PDLIM3: variants seen among roughly 807,000 people sequenced by gnomAD.
The protein encoded by PDLIM3 is PDZ and LIM domain 3.
Under a neutral mutation model 37.3 loss-of-function variants are expected in PDLIM3, and 36 were observed. The ratio of observed to expected loss-of-function variants is 0.97; its 90% confidence interval spans 0.74 to 1.28. The LOEUF (loss-of-function observed/expected upper bound fraction) is 1.28. Among genes scored for constraint, PDLIM3 ranks in the 50% most tolerant of loss-of-function variants. The pLI, the probability that PDLIM3 is intolerant of heterozygous loss-of-function variation, is 0.00. For missense variants in PDLIM3, 454 were observed against 485.0 expected, an observed-to-expected ratio of 0.94 and a Z score of 0.60; for synonymous variants, 174 against 182.4, an observed-to-expected ratio of 0.95 and a Z score of 0.37.
intron 1 of PDLIM3, among the ~76,000 whole-genome samples, chr4:185,534,539 C>T (rs1247481521): frequency 6.6e-6 from 1 of 152,072 alleles, no homozygotes; most frequent in Non-Finnish European, 1.5e-5. Flanking sequence ...AGGAGAGAAA[C>T]CCTGAGGTTT....
chr4:185,526,748 T>C (rs2095734882), intron 1 of PDLIM3, among the ~76,000 whole-genome samples: 1 of 152,174 alleles, frequency 6.6e-6, no homozygotes, highest in Non-Finnish European at 1.5e-5. Flanking sequence ...TCCTTTTAGT[T>C]CCTCATGTAG....
Position 185,514,620 on chromosome 4 carries a change from G to A in PDLIM3, c.331-283C>T. Reference sequence around the variant, plus strand: ...CCTTCAGGAAAGTAAAAATAAAACAGCAAGAGCTGGACTTTTGAAAAGAAA... The same window carrying A: ...CCTTCAGGAAAGTAAAAATAAAACAACAAGAGCTGGACTTTTGAAAAGAAA... On this transcript the variant is annotated intron_variant, in intron 3 of 7. Transcript: ENST00000284767. The surrounding 1 kb of genome is among the most constrained non-coding windows in gnomAD (Gnocchi z 4.0). The A allele has an allele frequency of 2.2e-6, 3 of 1,373,340 alleles. No individual in the cohort carries two copies. The highest frequency in any genetic ancestry group is 2.5e-5 in the East Asian group (1 of 39,912). 85.1% of individuals were successfully genotyped at this position (1,373,340 alleles called of 1,614,324 possible). A position where few individuals can be genotyped will look rare whatever the true frequency, so the allele number is the denominator to read the frequency against.
Position 185,514,478 on chromosome 4 carries a change from G to C in PDLIM3, c.331-141C>G. On this transcript the variant is annotated intron_variant, in intron 3 of 7. Transcript: ENST00000284767. The surrounding 1 kb of genome is among the most constrained non-coding windows in gnomAD (Gnocchi z 4.0). ...CTAAGAAAGGCGATGACGGGACCAGGACGATGTCTTCTTTCCAACCATCTA... is the reference window on the plus strand; with the variant it reads ...CTAAGAAAGGCGATGACGGGACCAGCACGATGTCTTCTTTCCAACCATCTA... 1 of 1,526,686 alleles carries C rather than the reference G, an allele frequency of 6.6e-7. No homozygotes were observed. Among genetic ancestry groups the C allele is most frequent in the African/African-American group, 1.4e-5 (1 of 73,174 alleles). 94.6% of individuals were successfully genotyped at this position (1,526,686 alleles called of 1,614,324 possible). A position where few individuals can be genotyped will look rare whatever the true frequency, so the allele number is the denominator to read the frequency against.
chr4:185,513,828 C>G, intron 4 of PDLIM3: 1 of 1,087,680 alleles, frequency 9.2e-7, no homozygotes, highest in Non-Finnish European at 1.1e-6. Context: ...ATCAGTTTCT[C>G]TACTGAGAGA....
chr4:185,524,246 G>A (rs2095728773), intron 2 of PDLIM3, among the ~76,000 whole-genome samples: 1 of 152,184 alleles, frequency 6.6e-6, no homozygotes, highest in African/African-American at 2.4e-5. Context: ...TGCTCGGCAT[G>A]AACACAGGTT....
intron 7 of PDLIM3, among the ~76,000 whole-genome samples, chr4:185,502,850 G>C (rs2095689373): frequency 6.6e-6 from 1 of 152,144 alleles, no homozygotes; most frequent in Non-Finnish European, 1.5e-5. Context: ...CTTTTGACGG[G>C]GGTGGTTGTC....
Position 185,506,614 on chromosome 4 carries a change from T to C in PDLIM3, c.701A>G (p.Tyr234Cys). ...TASVPPESDV[Y>C]RMLHDNRNEP... ...ATTCCGATTGTCGTGGAGCATCCGG[T>C]ACACGTCCGACTCGGGGGGCACCGA... The change falls in exon 6 of 8, where the codon TAC (tyrosine) becomes TGC (cysteine). Residue 234 changes from tyrosine (Y) to cysteine (C), a missense_variant. Tyr to Cys is a radical substitution (Grantham distance 194). Transcript: ENST00000284767. 2 of 1,610,148 alleles carry C rather than the reference T, an allele frequency of 1.2e-6. No individual in the cohort carries two copies. Among genetic ancestry groups the C allele is most frequent in the Non-Finnish European group, 1.7e-6 (2 of 1,179,982 alleles).
intron 4 of PDLIM3, among the ~76,000 whole-genome samples, chr4:185,510,670 T>C (rs1294141027): frequency 6.6e-6 from 1 of 152,190 alleles, no homozygotes; most frequent in Non-Finnish European, 1.5e-5. Context: ...AAAATCCACA[T>C]ATAAGTGAAC....
chr4:185,513,403 AG>A (rs1258341624), intron 4 of PDLIM3: 1 of 956,686 alleles, frequency 1.0e-6, no homozygotes, highest in East Asian at 1.2e-4. Flanking sequence ...GGGTGTCTAG[AG>A]GGGCCAGGAG....
In PDLIM3 at chr4:185,514,261, G is replaced by T. The variant is rs761820729; in HGVS notation, c.398+9C>A. On this transcript the variant is annotated intron_variant, in intron 4 of 7. Coordinates refer to ENST00000284767, the MANE Select transcript of PDLIM3 (RefSeq NM_014476.6). This position sits in a 1 kb window ranked among gnomAD's most constrained non-coding sequence, Gnocchi z 4.0. ...GCACTGCAAACTCCACAGTCTCAGC[G>T]CTTATGACCTGCTTCGGCCCGGGAT... The T allele has an allele frequency of 1.9e-6, 3 of 1,614,210 alleles. No individual in the cohort carries two copies. The South Asian group carries it at 3.3e-5, about 18-fold the overall frequency.
At chr4:185,508,629 CAG>C in intron 4 of PDLIM3, 67 bp from the exon 5 acceptor site, 1 of 1,528,140 alleles carries the variant, frequency 6.5e-7, no homozygotes, top group Non-Finnish European at 9.1e-7. Flanking sequence ...CAGAAGAACA[CAG>C]AGAACACGTA....
chr4:185,503,670 G>A (rs796927492), intron 7 of PDLIM3, among the ~76,000 whole-genome samples: 9 of 152,278 alleles, frequency 5.9e-5, no homozygotes, highest in African/African-American at 1.9e-4. Flanking sequence ...GGTCCCTGCC[G>A]GGCACGGTGG....
intron 1 of PDLIM3, among the ~76,000 whole-genome samples, chr4:185,529,590 G>T (rs765020359): frequency 6.6e-6 from 1 of 152,106 alleles, no homozygotes; most frequent in Non-Finnish European, 1.5e-5. Context: ...GCACCTGCCT[G>T]CCAAAGACAT....
At chr4:185,533,221 C>G (rs1471772720) in intron 1 of PDLIM3, among the ~76,000 whole-genome samples, 1 of 152,148 alleles carries the variant, frequency 6.6e-6, no homozygotes, top group Non-Finnish European at 1.5e-5. Flanking sequence ...CACTTACAAC[C>G]TCACACACTG....
chr4:185,506,660 A>G lies in PDLIM3; in HGVS notation c.663-8T>C, dbSNP rs1263446276. 6.2e-7 allele frequency: 1 copy of G among 1,602,818 alleles called. No individual in the cohort carries two copies. The highest frequency in any genetic ancestry group is 8.5e-7 in the Non-Finnish European group (1 of 1,179,830). On this transcript the variant is annotated splice_polypyrimidine_tract_variant and splice_region_variant and intron_variant, in intron 5 of 7. Coordinates refer to ENST00000284767, the MANE Select transcript of PDLIM3 (RefSeq NM_014476.6). ...ACCGAGGCTGTGGGCTCGCTGAAAC[A>G]CAGGCACGGCGGGGAGCATCGTCAG...
In PDLIM3 at chr4:185,525,025, A is replaced by C. The variant is rs376278294; in HGVS notation, c.240T>G (p.Ile80Met). 5.0e-6 allele frequency: 8 copies of C among 1,614,152 alleles called. No individual in the cohort carries two copies. The highest frequency in any genetic ancestry group is 1.7e-5 in the Admixed American group (1 of 60,024). ...KAAAHQLCLK[I>M]DRGETHLWSP... The stretch of plus-strand genomic sequence containing the variant: ...CACCATTAGTTAAGAAGCACCTGTC[A>C]ATTTTGAGACACAGCTGGTGAGCTG... The change falls in exon 2 of 8, where the codon ATT (isoleucine) becomes ATG (methionine). Residue 80 changes from isoleucine to methionine, a missense_variant. By Grantham distance (10) the Ile-to-Met change is conservative (BLOSUM62 1). Coordinates refer to ENST00000284767, the MANE Select transcript of PDLIM3 (RefSeq NM_014476.6).
At chr4:185,527,300 C>T (rs545365683) in intron 1 of PDLIM3, among the ~76,000 whole-genome samples, 5 of 152,324 alleles carry the variant, frequency 3.3e-5, no homozygotes, top group African/African-American at 1.2e-4. Flanking sequence ...ATTTAGGGAT[C>T]AGTAATTCAT....
rs1027036818 is a variant in PDLIM3 at position 185,500,953 on chromosome 4, G to A, written c.*1341C>T. 12 of 152,484 alleles carry A rather than the reference G, an allele frequency of 7.9e-5. No homozygotes were observed. Among genetic ancestry groups the A allele is most frequent in the African/African-American group, 2.9e-4 (12 of 41,474 alleles). The allele number at this position is 152,484 out of a possible 1,614,324, so 9.4% of individuals were successfully genotyped here. A position where few individuals can be genotyped will look rare whatever the true frequency, so the allele number is the denominator to read the frequency against. ...AGATGACCATGTGACACAAGGTGGTGAGACAGAGGGTCTGAGGGTCCCCAC... is the reference window on the plus strand; with the variant it reads ...AGATGACCATGTGACACAAGGTGGTAAGACAGAGGGTCTGAGGGTCCCCAC... On this transcript the variant is annotated 3_prime_UTR_variant, in exon 8 of 8. Coordinates refer to ENST00000284767, the MANE Select transcript of PDLIM3 (RefSeq NM_014476.6).
intron 4 of PDLIM3, chr4:185,513,386 T>C: frequency 2.0e-6 from 2 of 981,374 alleles, no homozygotes; most frequent in Non-Finnish European, 2.4e-6. Flanking sequence ...ACAGGAGTCA[T>C]AAGCTCGGGT....
Sources: gnomAD v4.1 joint callset for allele counts (sites outside exome capture counted in the v4.1 genomes callset) on GRCh38, gnomAD v4.1.1 for gene constraint, Gnocchi (gnomAD v3.1) non-coding constraint, MANE v1.5 for transcripts, NCBI Gene and HGNC (gene_info 2026-07-23, HGNC 2026-07-21) for gene names.